PSD2: variants seen among roughly 807,000 people sequenced by gnomAD.
The protein encoded by PSD2 is pleckstrin and Sec7 domain containing 2.
A neutral mutation model predicts 69.8 loss-of-function variants in PSD2; 38 were observed. The observed-to-expected ratio is 0.54, with a 90% CI of 0.42 to 0.71. The LOEUF (loss-of-function observed/expected upper bound fraction) is 0.71. Ranked by LOEUF, PSD2 falls within the 30% of genes least tolerant of loss-of-function variation. The pLI, the probability that PSD2 is intolerant of heterozygous loss-of-function variation, is 0.00. For missense variants in PSD2, 943 were observed against 1,014.5 expected (o/e 0.93, Z 0.96); for synonymous variants, 412 against 423.0 (o/e 0.97, Z 0.32).
chr5:139,822,696 G>C (rs762268653), intron 6 of PSD2, 30 bp from the exon 7 acceptor site: 4 of 1,596,066 alleles, frequency 2.5e-6, no homozygotes, highest in Non-Finnish European at 3.4e-6. Flanking sequence ...TTGGATCCTC[G>C]CACTGAGAGT....
At chr5:139,806,877 G>T (rs888212451) in intron 1 of PSD2, among the ~76,000 whole-genome samples, 3 of 152,204 alleles carry the variant, frequency 2.0e-5, no homozygotes, top group African/African-American at 4.8e-5. Context: ...CCCGCCCAGA[G>T]TAGAACTCAA....
the PSD2 span, among the ~76,000 whole-genome samples, chr5:139,781,943 A>G: frequency 2.0e-5 from 3 of 151,892 alleles, no homozygotes; most frequent in Admixed American, 6.6e-5. Flanking sequence ...CTCATCACAT[A>G]TCTCTCTGAA....
At chr5:139,757,936 G>A in the PSD2 span, among the ~76,000 whole-genome samples, 2 of 152,218 alleles carry the variant, frequency 1.3e-5, no homozygotes, top group South Asian at 4.1e-4. Flanking sequence ...AGCGCTTTGG[G>A]AGGCCAAGGT....
At position 139,817,566 on chromosome 5, in the gene PSD2, G is replaced by A. The variant is rs1561599337; in HGVS notation, c.1097+5G>A. The A allele has an allele frequency of 1.2e-6, 2 of 1,612,448 alleles. No homozygotes were observed. The highest frequency in any genetic ancestry group is 1.1e-5 in the South Asian group (1 of 91,042). On this transcript the variant is annotated splice_donor_5th_base_variant and intron_variant, in intron 5 of 14. Coordinates refer to ENST00000274710, the MANE Select transcript of PSD2 (RefSeq NM_032289.4). ...GACTCTGGACGGAGCACTCAGGTCAGTGGGGCTGGGACAGGCAGTGCCCAC... is the reference window on the plus strand; with the variant it reads ...GACTCTGGACGGAGCACTCAGGTCAATGGGGCTGGGACAGGCAGTGCCCAC...
rs570472307 is a variant in PSD2 at position 139,844,393 on chromosome 5, T to C, written c.*1919T>C. On this transcript the variant is annotated 3_prime_UTR_variant, in exon 15 of 15. Transcript: ENST00000274710. ...TGTACTACTGTACTAAAATATTATG[T>C]ACATTATAAAACATACACAAAAATA... 1 of 152,368 alleles carries C rather than the reference T, an allele frequency of 6.6e-6. No homozygotes were observed. Among genetic ancestry groups the C allele is most frequent in the Non-Finnish European group, 1.5e-5 (1 of 68,040 alleles). The allele number at this position is 152,368 out of a possible 1,614,324, so 9.4% of individuals were successfully genotyped here.
At chr5:139,770,488 C>A in the PSD2 span, among the ~76,000 whole-genome samples, 7 of 152,282 alleles carry the variant, frequency 4.6e-5, no homozygotes, top group East Asian at 1.3e-3. Flanking sequence ...ATTGCTTGAA[C>A]TGGGGAGTCG....
At chr5:139,798,965 T>C (rs1759599101) in intron 1 of PSD2, among the ~76,000 whole-genome samples, 1 of 152,172 alleles carries the variant, frequency 6.6e-6, no homozygotes, top group Non-Finnish European at 1.5e-5. Flanking sequence ...TCCCTGGCTT[T>C]TTTGAGATTT....
the PSD2 span, among the ~76,000 whole-genome samples, chr5:139,776,695 G>A: frequency 6.6e-6 from 1 of 150,502 alleles, no homozygotes; most frequent in South Asian, 2.1e-4. Flanking sequence ...TCCAGATAGG[G>A]TCTTGTTCTG....
chr5:139,822,087 C>T, intron 6 of PSD2, 82 bp downstream of exon 6: 1 of 823,668 alleles, frequency 1.2e-6, no homozygotes, highest in East Asian at 2.7e-5. Context: ...GTCCACCTGG[C>T]ACTTCGGTCC....
At position 139,837,728 on chromosome 5, in the gene PSD2, C is replaced by G. The variant is rs770286844; in HGVS notation, c.1769C>G (p.Ser590Cys). Residue 590 changes from serine to cysteine, a missense_variant, in exon 12 of 15, where the codon TCC becomes TGC. Ser to Cys is a moderately radical substitution (Grantham distance 112, BLOSUM62 -1). Coordinates refer to ENST00000274710, the MANE Select transcript of PSD2 (RefSeq NM_032289.4). This position sits in a 1 kb window ranked among gnomAD's most constrained non-coding sequence, Gnocchi z 5.0. Reference sequence around the variant, plus strand: ...AGGGCCTCTGACTACAGCAAGAAGTCCAACGTGCTGAAGCTTAAGACAGCC... The same window carrying G: ...AGGGCCTCTGACTACAGCAAGAAGTGCAACGTGCTGAAGCTTAAGACAGCC... Reference protein sequence around the residue: ...ATRASDYSKKSNVLKLKTADW... With the variant: ...ATRASDYSKKCNVLKLKTADW... 7.4e-6 allele frequency: 12 copies of G among 1,614,088 alleles called. 1 individual carries two copies. The South Asian group carries it at 1.3e-4, about 18-fold the overall frequency.
the PSD2 span, among the ~76,000 whole-genome samples, chr5:139,783,364 C>T: frequency 6.6e-6 from 1 of 152,158 alleles, no homozygotes; most frequent in Non-Finnish European, 1.5e-5. Flanking sequence ...ATCGCTTGAG[C>T]CCAGAAGTTG....
chr5:139,809,445 A>C lies in PSD2; in HGVS notation c.5A>C (p.Glu2Ala), dbSNP rs1166599200. M[E>A]EDKLLSAVPE... ...CAGGCGGAAGCAGTGGCTGCCATGG[A>C]GGAGGACAAGCTCTTATCTGCAGTG... is the stretch of plus-strand genomic sequence containing the variant. Residue 2 changes from glutamate (E) to alanine (A), a missense_variant, in exon 2 of 15, where the codon GAG (glutamate) becomes GCG (alanine). Glu to Ala is a moderately radical substitution (Grantham distance 107). Transcript: ENST00000274710. 1 of 1,610,478 alleles carries C rather than the reference A, an allele frequency of 6.2e-7. No individual in the cohort carries two copies. The highest frequency in any genetic ancestry group is 2.2e-5 in the East Asian group (1 of 44,848).
chr5:139,839,907 T>A lies in PSD2; in HGVS notation c.1969-120T>A. ...AGAGTCTGGCTCTGTCCCCACATTT[T>A]GGTGATGCTGGCTAGGCCTTCATTT... On this transcript the variant is annotated intron_variant, in intron 13 of 14. Coordinates refer to ENST00000274710, the MANE Select transcript of PSD2 (RefSeq NM_032289.4). The surrounding 1 kb of genome is among the most constrained non-coding windows in gnomAD (Gnocchi z 5.1). 1 of 1,084,182 alleles carries A rather than the reference T, an allele frequency of 9.2e-7. No individual in the cohort carries two copies. Among genetic ancestry groups the A allele is most frequent in the Non-Finnish European group, 1.4e-6 (1 of 733,262 alleles). The allele number at this position is 1,084,182 out of a possible 1,614,324, so 67.2% of individuals were successfully genotyped here.
rs1010038122 is a variant in PSD2, at chr5:139,839,810, G to A, written c.1969-217G>A. ...TGCGGTGGGGTGGCTGGGGGGCATC[G>A]AGGAAAGCTGATGCTGATGGGACCT... On this transcript the variant is annotated intron_variant, in intron 13 of 14. Coordinates refer to ENST00000274710, the MANE Select transcript of PSD2 (RefSeq NM_032289.4). The surrounding 1 kb of genome is among the most constrained non-coding windows in gnomAD (Gnocchi z 5.1). Among the ~76,000 whole-genome samples the A allele has an allele frequency of 2.0e-5, 3 of 152,172 alleles. No individual in the cohort carries two copies. The highest frequency in any genetic ancestry group is 4.4e-5 in the Non-Finnish European group (3 of 68,022).
At chr5:139,749,178 G>T in the PSD2 span, among the ~76,000 whole-genome samples, 4 of 152,068 alleles carry the variant, frequency 2.6e-5, no homozygotes, top group Admixed American at 1.3e-4. Flanking sequence ...TGCTCAGTCG[G>T]TTCCCCCCTA....
At chr5:139,831,364 GTAA>G (rs1760595188) in intron 7 of PSD2, among the ~76,000 whole-genome samples, 1 of 152,002 alleles carries the variant, frequency 6.6e-6, no homozygotes, top group Non-Finnish European at 1.5e-5. Flanking sequence ...ATAAAATTTG[GTAA>G]TAATGTTAAT....
chr5:139,797,572 T>A (rs947660654), intron 1 of PSD2, among the ~76,000 whole-genome samples: 8 of 152,210 alleles, frequency 5.3e-5, no homozygotes, highest in African/African-American at 1.7e-4. Flanking sequence ...CCCAGGGTCT[T>A]CCCTGAAGGG....
In PSD2 at chr5:139,836,817, G is replaced by A. The variant is rs370365260; in HGVS notation, c.1410G>A (p.Glu470=). 17 of 1,613,876 alleles carry A rather than the reference G, an allele frequency of 1.1e-5. No individual in the cohort carries two copies. Among genetic ancestry groups the A allele is most frequent in the Non-Finnish European group, 1.4e-5 (17 of 1,179,908 alleles). The change falls in exon 10 of 15, where the codon GAG becomes GAA. Residue 470 remains glutamate, a synonymous_variant. Coordinates refer to ENST00000274710, the MANE Select transcript of PSD2 (RefSeq NM_032289.4). ...AGGCCTAGTACTTCCCTAGTGATGA[G>A]GATGAGCTGAGGAAATCCCTGTCTG... is the stretch of plus-strand genomic sequence containing the variant. The part of the protein sequence containing the change: ...KNEKLEWAID[E]DELRKSLSEL...
chr5:139,768,593 C>T, the PSD2 span, among the ~76,000 whole-genome samples: 1 of 152,040 alleles, frequency 6.6e-6, no homozygotes, highest in Non-Finnish European at 1.5e-5. Flanking sequence ...CTTGGTGGCG[C>T]ATGCCTGTAA....
Sources: allele counts gnomAD v4.1 joint callset (sites outside exome capture counted in the v4.1 genomes callset), GRCh38; gene constraint gnomAD v4.1.1; non-coding constraint Gnocchi (gnomAD v3.1); transcripts MANE v1.5; gene names NCBI Gene and HGNC (gene_info 2026-07-23, HGNC 2026-07-21).